The following LHFPL3 variants were observed in gnomAD, a reference collection of about 807,000 sequenced individuals.
LHFPL3 encodes LHFPL tetraspan subfamily member 3 protein.
LHFPL3 carries 5 observed loss-of-function variants against 19.3 expected under a neutral mutation model. The ratio of observed to expected loss-of-function variants is 0.26; its 90% CI spans 0.14 to 0.54. The LOEUF is 0.54. LHFPL3 is among the 20% of genes least tolerant of loss of function. The probability of loss-of-function intolerance (pLI) is 0.94; values close to 1 mark genes in which losing one functional copy is unlikely to be tolerated. For synonymous variants in LHFPL3, 133 were observed against 126.2 expected (o/e 1.05, Z -0.36); for missense variants, 249 against 307.4 (o/e 0.81, Z 1.42).
At chr7:104,768,866 A>G (rs1464128398) in intron 2 of LHFPL3, 1 of 152,226 alleles carries the variant, frequency 6.6e-6, no homozygotes, top group Non-Finnish European at 1.5e-5. Flanking sequence ...TCATATCCAC[A>G]TGCAAACACA....
At chr7:104,496,001 G>A (rs1407014459) in intron 1 of LHFPL3, among the ~76,000 whole-genome samples, 1 of 152,024 alleles carries the variant, frequency 6.6e-6, no homozygotes, top group East Asian at 1.9e-4. Context: ...TAAGTTTTAG[G>A]ATACATGTGC....
intron 1 of LHFPL3, among the ~76,000 whole-genome samples, chr7:104,332,133 C>T (rs11979512): frequency 0.25 from 37,713 of 150,914 alleles, 4,763 homozygotes; most frequent in Middle Eastern, 0.42. Flanking sequence ...GGAAATCAAA[C>T]TATTCGCTTG....
chr7:104,674,290 C>T (rs992440634), intron 1 of LHFPL3, among the ~76,000 whole-genome samples: 14 of 150,108 alleles, frequency 9.3e-5, no homozygotes, highest in African/African-American at 3.2e-4. Context: ...AAAAAAAAAT[C>T]TTAAAAACAT....
intron 1 of LHFPL3, among the ~76,000 whole-genome samples, chr7:104,564,166 A>G (rs1790074457): frequency 6.6e-6 from 1 of 152,202 alleles, no homozygotes; most frequent in South Asian, 2.1e-4. Flanking sequence ...TGACAGAATC[A>G]GGATTTTCAC....
intron 2 of LHFPL3, among the ~76,000 whole-genome samples, chr7:104,775,449 TA>T (rs1384835226): frequency 3.3e-5 from 5 of 152,192 alleles, no homozygotes; most frequent in Non-Finnish European, 5.9e-5. Flanking sequence ...TTAATCAAAC[TA>T]TATTTCCAAA....
intron 2 of LHFPL3, among the ~76,000 whole-genome samples, chr7:104,809,262 A>G (rs964832042): frequency 4.6e-5 from 7 of 152,344 alleles, no homozygotes; most frequent in African/African-American, 1.7e-4. Context: ...GCCTGGAGCT[A>G]TTCAGAAGTT....
intron 2 of LHFPL3, among the ~76,000 whole-genome samples, chr7:104,886,998 C>G (rs1195644015): frequency 1.3e-5 from 2 of 152,236 alleles, no homozygotes; most frequent in East Asian, 3.8e-4. Flanking sequence ...GAACATTTAA[C>G]TGTGGATTTG....
chr7:104,783,076 C>T (rs1448891758), intron 2 of LHFPL3, among the ~76,000 whole-genome samples: 2 of 152,214 alleles, frequency 1.3e-5, no homozygotes, highest in Admixed American at 6.5e-5. Flanking sequence ...GAACTTAACT[C>T]GAAATGCAAA....
At chr7:104,894,317 T>C (rs372580657) in intron 2 of LHFPL3, among the ~76,000 whole-genome samples, 1 of 152,198 alleles carries the variant, frequency 6.6e-6, no homozygotes, top group African/African-American at 2.4e-5. Flanking sequence ...GGCTAACAAG[T>C]AGTGCTCAGT....
At chr7:104,605,272 A>G (rs1791072064) in intron 1 of LHFPL3, among the ~76,000 whole-genome samples, 1 of 152,148 alleles carries the variant, frequency 6.6e-6, no homozygotes, top group Non-Finnish European at 1.5e-5. Context: ...CCCCTTTCCA[A>G]TAATCTGACT....
At chr7:104,393,056 C>T (rs1201681300) in intron 1 of LHFPL3, among the ~76,000 whole-genome samples, 1 of 152,070 alleles carries the variant, frequency 6.6e-6, no homozygotes, top group Non-Finnish European at 1.5e-5. Context: ...GGCCAATAAG[C>T]ATATGGCAAG....
chr7:104,803,409 C>G (rs1477081938), intron 2 of LHFPL3: 1 of 152,206 alleles, frequency 6.6e-6, no homozygotes, highest in Non-Finnish European at 1.5e-5. Context: ...TCGTTATTAG[C>G]CTTTACGACA....
At chr7:104,521,596 C>T (rs1194271643) in intron 1 of LHFPL3, among the ~76,000 whole-genome samples, 3 of 152,110 alleles carry the variant, frequency 2.0e-5, no homozygotes, top group South Asian at 2.1e-4. Flanking sequence ...TCAGAGTGAA[C>T]AGGCAACCTA....
intron 1 of LHFPL3, among the ~76,000 whole-genome samples, chr7:104,698,056 C>T (rs1048454858): frequency 2.6e-5 from 4 of 152,168 alleles, no homozygotes; most frequent in Admixed American, 2.0e-4. Flanking sequence ...TTGTGTATAA[C>T]TCTCTGAAAT....
chr7:104,618,313 A>T (rs1469512704), intron 1 of LHFPL3, among the ~76,000 whole-genome samples: 2 of 152,206 alleles, frequency 1.3e-5, no homozygotes, highest in African/African-American at 4.8e-5. Context: ...GCCACCTTAC[A>T]CACTGCTTAC....
intron 1 of LHFPL3, among the ~76,000 whole-genome samples, chr7:104,642,732 A>G (rs1791860443): frequency 6.6e-6 from 1 of 152,162 alleles, no homozygotes; most frequent in Non-Finnish European, 1.5e-5. Flanking sequence ...GCAGGGTGCG[A>G]CAGGAGAAGG....
chr7:104,465,337 C>T (rs1474663226), intron 1 of LHFPL3, among the ~76,000 whole-genome samples: 1 of 152,166 alleles, frequency 6.6e-6, no homozygotes, highest in Non-Finnish European at 1.5e-5. Flanking sequence ...CTTCTGAGTC[C>T]TCCAAAGGGT....
intron 1 of LHFPL3, among the ~76,000 whole-genome samples, chr7:104,532,200 T>G (rs2115847483): frequency 1.3e-5 from 2 of 151,892 alleles, no homozygotes; most frequent in Admixed American, 1.3e-4. Context: ...CACTGTAGCC[T>G]CAAAGTCCTG....
chr7:104,539,734 C>T (rs1192855437), intron 1 of LHFPL3, among the ~76,000 whole-genome samples: 1 of 152,128 alleles, frequency 6.6e-6, no homozygotes, highest in Non-Finnish European at 1.5e-5. Context: ...AAGCTAGGTT[C>T]TTTTCATTTA....
Sources: allele counts gnomAD v4.1 joint callset (sites outside exome capture counted in the v4.1 genomes callset), GRCh38; gene constraint gnomAD v4.1.1; transcripts MANE v1.5; gene names NCBI Gene and HGNC (gene_info 2026-07-23, HGNC 2026-07-21).